The following PDE4D variants were observed in gnomAD, a reference collection of about 807,000 sequenced individuals.
The protein encoded by PDE4D is 3',5'-cyclic-AMP phosphodiesterase 4D.
A neutral mutation model predicts 87.4 loss-of-function variants in PDE4D; 24 were observed. The ratio of observed to expected loss-of-function variants is 0.27; its 90% confidence interval spans 0.20 to 0.39. PDE4D has a LOEUF of 0.39. Among genes scored for constraint, PDE4D ranks in the 10% least tolerant of loss-of-function variants. The pLI is 1.00. For synonymous variants in PDE4D, 384 were observed against 383.2 expected (o/e 1.00, Z -0.02); for missense variants, 714 against 1,041.0 (o/e 0.69, Z 4.32).
At chr5:59,030,761 A>C (rs1757234461) in intron 6 of PDE4D, among the ~76,000 whole-genome samples, 1 of 152,106 alleles carries the variant, frequency 6.6e-6, no homozygotes, top group Non-Finnish European at 1.5e-5. Flanking sequence ...CAATATCTCT[A>C]ATTCTCAGGG....
chr5:60,421,326 G>A (rs546634780), intron 1 of PDE4D, among the ~76,000 whole-genome samples: 36 of 152,304 alleles, frequency 2.4e-4, no homozygotes, highest in African/African-American at 5.8e-4. Context: ...CCTCTAGCAC[G>A]AAGCTTATGG....
rs373107863 is a variant in PDE4D, at chr5:59,878,950, A to G, written c.455+14218T>C. On this transcript the variant is annotated intron_variant, in intron 1 of 14. Transcript: ENST00000340635. ...GTCTCGCTCTGTCGCCCAGGCTGGA[A>G]TGCAGTGACGCGATCTCGGCTCACT... Among the ~76,000 whole-genome samples the G allele has an allele frequency of 6.4e-5, 8 of 125,024 alleles. No homozygotes were observed. The East Asian group carries it at 2.0e-3, about 31-fold the overall frequency. The allele number at this position is 125,024 out of a possible 152,430, so 82.0% of individuals were successfully genotyped here.
intron 1 of PDE4D, among the ~76,000 whole-genome samples, chr5:59,391,511 T>G (rs76391416): frequency 4.2e-4 from 64 of 152,304 alleles, no homozygotes; most frequent in African/African-American, 1.5e-3. Flanking sequence ...AAAAAAAGAA[T>G]TCTGCTTCTC....
At chr5:59,010,749 G>T (rs1752624181) in intron 6 of PDE4D, among the ~76,000 whole-genome samples, 1 of 152,150 alleles carries the variant, frequency 6.6e-6, no homozygotes, top group African/African-American at 2.4e-5. Flanking sequence ...TGATGCAGAA[G>T]ACGGGTGATT....
At chr5:59,394,363 C>A (rs1405373021) in intron 1 of PDE4D, among the ~76,000 whole-genome samples, 2 of 152,164 alleles carry the variant, frequency 1.3e-5, no homozygotes, top group Non-Finnish European at 2.9e-5. Context: ...TTCTCAAAGG[C>A]ATATTCTCTT....
chr5:60,193,780 T>TA (rs1740855626), intron 1 of PDE4D, among the ~76,000 whole-genome samples: 1 of 151,458 alleles, frequency 6.6e-6, no homozygotes, highest in Non-Finnish European at 1.5e-5. Flanking sequence ...TAGGGCTCTT[T>TA]ACCTAGGTTT....
chr5:60,073,054 T>A (rs1337901153), intron 2 of PDE4D, among the ~76,000 whole-genome samples: 3 of 152,152 alleles, frequency 2.0e-5, no homozygotes, highest in Admixed American at 1.3e-4. Context: ...CTATGTTGAA[T>A]AGGAGTGGTG....
At chr5:59,661,547 C>T (rs1041465166) in intron 1 of PDE4D, among the ~76,000 whole-genome samples, 5 of 152,144 alleles carry the variant, frequency 3.3e-5, no homozygotes, top group African/African-American at 1.2e-4. Flanking sequence ...GTTTAGGTTG[C>T]TAGTAATTGA....
chr5:59,456,587 A>G (rs1230638098), intron 1 of PDE4D, among the ~76,000 whole-genome samples: 1 of 152,238 alleles, frequency 6.6e-6, no homozygotes, highest in Non-Finnish European at 1.5e-5. Flanking sequence ...CCATGATTCA[A>G]AGAGTATTTC....
At chr5:59,099,933 G>T (rs1371588806) in intron 5 of PDE4D, among the ~76,000 whole-genome samples, 1 of 152,122 alleles carries the variant, frequency 6.6e-6, no homozygotes, top group Non-Finnish European at 1.5e-5. Flanking sequence ...TACATTATTA[G>T]GCCCTGCTCT....
chr5:60,172,159 G>A (rs577821987), intron 2 of PDE4D, among the ~76,000 whole-genome samples: 15 of 146,412 alleles, frequency 1.0e-4, no homozygotes, highest in African/African-American at 3.7e-4. Context: ...CACACATGTT[G>A]GCATTTGGTG....
At chr5:60,004,565 A>C (rs1764299406) in intron 2 of PDE4D, among the ~76,000 whole-genome samples, 1 of 152,094 alleles carries the variant, frequency 6.6e-6, no homozygotes, top group South Asian at 2.1e-4. Flanking sequence ...CCACAGATAC[A>C]AAGGGCTGAG....
intron 1 of PDE4D, among the ~76,000 whole-genome samples, chr5:59,619,514 C>T (rs1279504444): frequency 2.0e-5 from 3 of 152,132 alleles, no homozygotes; most frequent in Non-Finnish European, 2.9e-5. Context: ...GCATAGCAAG[C>T]GGATGGCTGC....
chr5:59,938,696 TG>T (rs1219895340), intron 3 of PDE4D, among the ~76,000 whole-genome samples: 1 of 152,208 alleles, frequency 6.6e-6, no homozygotes. Flanking sequence ...TTCTTGATTA[TG>T]TTTATTTTGT....
At position 60,081,425 on chromosome 5, in the gene PDE4D, C is replaced by T. The variant is rs566805141; in HGVS notation, c.43-92708G>A. 1.7e-4 allele frequency among the ~76,000 whole-genome samples: 25 copies of T among 150,344 alleles called. No individual in the cohort carries two copies. The South Asian group carries it at 4.6e-3, about 28-fold the overall frequency. On this transcript the variant is annotated intron_variant, in intron 2 of 16. Coordinates refer to the PDE4D transcript ENST00000502484. The stretch of plus-strand genomic sequence containing the variant: ...TCTGATCTTAGTTATTTCTTGTTTT[C>T]GGCTAGCTTTTGGATTAGTTTGCTC...
At chr5:59,740,387 T>C (rs1388268712) in intron 1 of PDE4D, among the ~76,000 whole-genome samples, 1 of 152,148 alleles carries the variant, frequency 6.6e-6, no homozygotes, top group Non-Finnish European at 1.5e-5. Context: ...GAAAAGAGTG[T>C]GGAAAAGGAT....
At chr5:60,073,675 C>T (rs945888618) in intron 2 of PDE4D, among the ~76,000 whole-genome samples, 1 of 151,712 alleles carries the variant, frequency 6.6e-6, no homozygotes, top group Non-Finnish European at 1.5e-5. Flanking sequence ...AGGCTATTTA[C>T]TGATAAATTT....
At chr5:60,386,772 A>G (rs1414953236) in intron 1 of PDE4D, among the ~76,000 whole-genome samples, 1 of 152,268 alleles carries the variant, frequency 6.6e-6, no homozygotes, top group Non-Finnish European at 1.5e-5. Context: ...AATGAACTGT[A>G]TATCTAAAGG....
intron 3 of PDE4D, among the ~76,000 whole-genome samples, chr5:59,958,889 A>T (rs1759155677): frequency 6.6e-6 from 1 of 152,196 alleles, no homozygotes. Flanking sequence ...ATAGGAAAAG[A>T]GGAAGTAAAA....
Sources: allele counts gnomAD v4.1 joint callset (sites outside exome capture counted in the v4.1 genomes callset), GRCh38; gene constraint gnomAD v4.1.1; transcripts MANE v1.5; gene names NCBI Gene and HGNC (gene_info 2026-07-23, HGNC 2026-07-21).